Variants in SMYD4 observed in about 807,000 individuals in gnomAD.
SMYD4 encodes the protein protein-lysine N-methyltransferase SMYD4.
In SMYD4, 68 loss-of-function variants were observed where a neutral mutation model predicts 72.8. The ratio of observed to expected loss-of-function variants is 0.93; its 90% CI spans 0.77 to 1.14. SMYD4 has a LOEUF of 1.14. Ranked by LOEUF, SMYD4 falls within the 50% of genes most tolerant of loss-of-function variation. SMYD4 has a pLI of 0.00. For synonymous variants in SMYD4, 407 were observed against 388.6 expected, an observed-to-expected ratio of 1.05 and a Z score of -0.56; for missense variants, 984 against 1,003.7, an observed-to-expected ratio of 0.98 and a Z score of 0.27.
At chr17:1,817,334 G>A (rs978841855) in intron 2 of SMYD4, among the ~76,000 whole-genome samples, 14 of 151,698 alleles carry the variant, frequency 9.2e-5, no homozygotes, top group African/African-American at 3.4e-4. Flanking sequence ...CACCGCGCCT[G>A]GCCTAAAACT....
intron 5 of SMYD4, among the ~76,000 whole-genome samples, chr17:1,789,182 G>A (rs1330235675): frequency 2.6e-5 from 4 of 152,062 alleles, no homozygotes; most frequent in Admixed American, 2.0e-4. Context: ...GAGGTCAGAA[G>A]TTCGAGAGTA....
Position 1,784,465 on chromosome 17 carries a change from T to G in SMYD4, c.1885-4A>C, listed in dbSNP as rs1480117381. 1 of 1,614,118 alleles carries G rather than the reference T, an allele frequency of 6.2e-7. No homozygotes were observed. The highest frequency in any genetic ancestry group is 1.1e-5 in the South Asian group (1 of 91,082). On this transcript the variant is annotated splice_region_variant and splice_polypyrimidine_tract_variant and intron_variant, in intron 7 of 10. Transcript: ENST00000305513. ...CACAGCGCAGCACGTCATCTCCCTGTGGAAGTCAGTTTTCTCTTTATTCCA... is the reference window on the plus strand; with the variant it reads ...CACAGCGCAGCACGTCATCTCCCTGGGGAAGTCAGTTTTCTCTTTATTCCA...
chr17:1,818,858 G>C (rs1409492293), intron 2 of SMYD4, among the ~76,000 whole-genome samples: 2 of 151,806 alleles, frequency 1.3e-5, no homozygotes, highest in Non-Finnish European at 2.9e-5. Context: ...ATGTTGCCCA[G>C]GCTGGCCTCA....
chr17:1,789,900 A>G (rs1052450733), intron 5 of SMYD4, among the ~76,000 whole-genome samples: 1 of 152,198 alleles, frequency 6.6e-6, no homozygotes, highest in African/African-American at 2.4e-5. Flanking sequence ...GGGAATCCAA[A>G]TGACTCAATT....
chr17:1,807,837 C>T (rs552484033), intron 3 of SMYD4, among the ~76,000 whole-genome samples: 1 of 152,236 alleles, frequency 6.6e-6, no homozygotes, highest in Non-Finnish European at 1.5e-5. Context: ...GAAATATACT[C>T]AACAGTGCTA....
At chr17:1,798,276 G>A (rs961501011) in intron 5 of SMYD4, among the ~76,000 whole-genome samples, 2 of 151,734 alleles carry the variant, frequency 1.3e-5, no homozygotes, top group African/African-American at 4.8e-5. Context: ...GATTAGAGGC[G>A]TACCTGGCTA....
Position 1,800,734 on chromosome 17 carries a change from C to T in SMYD4, c.660G>A (p.Ala220=), listed in dbSNP as rs781025835. Residue 220 remains alanine (A), a synonymous_variant, in exon 5 of 11, where the codon GCG becomes GCA. Transcript: ENST00000305513. ...AALAKTLEDA[A]LREENEQLSN... is the part of the protein sequence containing the mutation. ...AAAGTTGTTCATTCTCCTCCCTCAG[C>T]GCTGCATCCTCAAGGGTTTTGGCCA... 11 of 1,614,194 alleles carry T rather than the reference C, an allele frequency of 6.8e-6. No individual in the cohort carries two copies. Among genetic ancestry groups the T allele is most frequent in the South Asian group, 3.3e-5 (3 of 91,078 alleles).
chr17:1,826,637 G>A (rs933927718), intron 2 of SMYD4, among the ~76,000 whole-genome samples: 2 of 152,040 alleles, frequency 1.3e-5, no homozygotes, highest in African/African-American at 4.8e-5. Flanking sequence ...ATATACGAGC[G>A]CCTACTATGT....
At chr17:1,822,826 T>TG (rs1233672000) in intron 2 of SMYD4, among the ~76,000 whole-genome samples, 2 of 151,984 alleles carry the variant, frequency 1.3e-5, no homozygotes, top group South Asian at 4.1e-4. Flanking sequence ...AGAATGTAAT[T>TG]GGGGGGAAAA....
intron 1 of SMYD4, among the ~76,000 whole-genome samples, chr17:1,829,007 G>A (rs1479013221): frequency 1.3e-5 from 2 of 151,986 alleles, no homozygotes; most frequent in African/African-American, 2.4e-5. Flanking sequence ...TCAGCGTTCT[G>A]ATTAAGTCCT....
intron 4 of SMYD4, among the ~76,000 whole-genome samples, chr17:1,803,687 C>T (rs1448541457): frequency 6.6e-6 from 1 of 151,842 alleles, no homozygotes; most frequent in East Asian, 1.9e-4. Flanking sequence ...TTAGTAGAGA[C>T]GGGGTTTCAC....
intron 4 of SMYD4, among the ~76,000 whole-genome samples, chr17:1,801,227 GT>G (rs1208243517): frequency 7.0e-6 from 1 of 142,012 alleles, no homozygotes; most frequent in Non-Finnish European, 1.5e-5. Context: ...TATGCTTAAT[GT>G]TTTTGGATTA....
At chr17:1,820,578 G>A (rs767979047) in intron 2 of SMYD4, among the ~76,000 whole-genome samples, 1 of 151,976 alleles carries the variant, frequency 6.6e-6, no homozygotes, top group East Asian at 1.9e-4. Flanking sequence ...ATTAGTCTTC[G>A]AGCACGTCCT....
chr17:1,798,194 G>A (rs1275792811), intron 5 of SMYD4, among the ~76,000 whole-genome samples: 2 of 150,038 alleles, frequency 1.3e-5, no homozygotes, highest in African/African-American at 4.9e-5. Context: ...GCATCGGTGC[G>A]ATCATGGCTC....
intron 7 of SMYD4, among the ~76,000 whole-genome samples, chr17:1,784,926 A>T (rs12051862): frequency 2.0e-5 from 3 of 150,542 alleles, no homozygotes; most frequent in Admixed American, 6.6e-5. Flanking sequence ...CCCACCACCA[A>T]GCCCGGCTAA....
chr17:1,816,367 C>T (rs1460032704), intron 2 of SMYD4, among the ~76,000 whole-genome samples: 1 of 151,738 alleles, frequency 6.6e-6, no homozygotes, highest in Non-Finnish European at 1.5e-5. Context: ...CGCCTGTAAT[C>T]CCAGCACTTT....
At chr17:1,818,046 CA>C (rs540448588) in intron 2 of SMYD4, among the ~76,000 whole-genome samples, 62 of 103,240 alleles carry the variant, frequency 6.0e-4, no homozygotes, top group South Asian at 2.8e-3. Context: ...GACTCTGTCT[CA>C]AAAAAAAAAA....
chr17:1,816,797 T>C (rs189631354), intron 2 of SMYD4, among the ~76,000 whole-genome samples: 123 of 151,758 alleles, frequency 8.1e-4, no homozygotes, highest in African/African-American at 2.7e-3. Flanking sequence ...GTGGTTTTGG[T>C]GTGTGTTTCT....
At chr17:1,791,064 T>A (rs1374505928) in intron 5 of SMYD4, among the ~76,000 whole-genome samples, 1 of 142,656 alleles carries the variant, frequency 7.0e-6, no homozygotes, top group Non-Finnish European at 1.5e-5. Context: ...GAGGTGGAGC[T>A]TGCAGTGAGC....
Sources: allele counts gnomAD v4.1 joint callset (sites outside exome capture counted in the v4.1 genomes callset), GRCh38; gene constraint gnomAD v4.1.1; transcripts MANE v1.5; gene names NCBI Gene and HGNC (gene_info 2026-07-23, HGNC 2026-07-21).